ENTPD6: variants seen among roughly 807,000 people sequenced by gnomAD.
ENTPD6 encodes the protein CD39 antigen-like 2.
In ENTPD6, 46 loss-of-function variants were observed where a neutral mutation model predicts 61.5. The observed-to-expected ratio is 0.75, with a 90% CI of 0.59 to 0.96. ENTPD6 has a LOEUF of 0.96. Among genes scored for constraint, ENTPD6 ranks in the 40% least tolerant of loss-of-function variants. The pLI is 0.00. For synonymous variants in ENTPD6, 252 were observed against 255.5 expected, an observed-to-expected ratio of 0.99 and a Z score of 0.13; for missense variants, 612 against 629.0, an observed-to-expected ratio of 0.97 and a Z score of 0.29.
intron 14 of ENTPD6, 78 bp downstream of exon 14, chr20:25,225,395 C>T: frequency 1.3e-6 from 2 of 1,581,276 alleles, no homozygotes; most frequent in Non-Finnish European, 1.7e-6. Context: ...TTGCTGGGGT[C>T]ATGTCCCCCA....
intron 2 of ENTPD6, 52 bp downstream of exon 2, chr20:25,206,642 G>A (rs763408728): frequency 1.5e-5 from 20 of 1,335,416 alleles, no homozygotes; most frequent in East Asian, 4.6e-5. Context: ...TAAACCTTTC[G>A]AAAAGTAAAT....
chr20:25,201,277 T>G (rs2091010814), intron 1 of ENTPD6, among the ~76,000 whole-genome samples: 1 of 152,214 alleles, frequency 6.6e-6, no homozygotes, highest in Non-Finnish European at 1.5e-5. Context: ...TGCTCTGTAG[T>G]GTCGTTTGAG....
At chr20:25,195,916 T>C in intron 1 of ENTPD6, 49 bp downstream of exon 1, 1 of 1,216,510 alleles carries the variant, frequency 8.2e-7, no homozygotes, top group Non-Finnish European at 1.0e-6. Context: ...GATCACCGAC[T>C]GTAGGCGGGC....
At chr20:25,223,084 T>G (rs920791768) in intron 12 of ENTPD6, 106 bp downstream of exon 12, 1 of 1,308,152 alleles carries the variant, frequency 7.6e-7, no homozygotes, top group African/African-American at 1.5e-5. Context: ...CAAGCAACCC[T>G]GTTGTCACAT....
intron 12 of ENTPD6, 34 bp downstream of exon 12, chr20:25,223,012 C>T (rs1313316669): frequency 9.4e-6 from 5 of 529,618 alleles, no homozygotes; most frequent in East Asian, 1.0e-4. Flanking sequence ...GCAGGAAGGT[C>T]GGGGCGGCAG....
chr20:25,216,565 G>A (rs1387213839), intron 7 of ENTPD6, 83 bp from the exon 8 acceptor site: 2 of 949,684 alleles, frequency 2.1e-6, no homozygotes, highest in East Asian at 5.3e-5. Flanking sequence ...TTTCCCCTGA[G>A]GGCCTGGCTT....
At chr20:25,223,973 G>T in intron 12 of ENTPD6, 128 bp from the exon 13 acceptor site, 1 of 778,474 alleles carries the variant, frequency 1.3e-6, no homozygotes, top group Non-Finnish European at 2.1e-6. Flanking sequence ...TACAGCTGGA[G>T]GGCCTGCCTC....
chr20:25,222,743 G>A (rs1234446934), intron 11 of ENTPD6, 95 bp from the exon 12 acceptor site: 13 of 1,511,458 alleles, frequency 8.6e-6, no homozygotes, highest in East Asian at 2.3e-5. Context: ...TGACAATTCA[G>A]GTCAGAGTCT....
intron 7 of ENTPD6, 21 bp from the exon 8 acceptor site, chr20:25,216,627 T>A (rs1444529856): frequency 6.3e-7 from 1 of 1,575,870 alleles, no homozygotes; most frequent in African/African-American, 1.3e-5. Flanking sequence ...CCCTGTGCTG[T>A]TTTTGCTTGC....
rs1310045804 is a variant in ENTPD6 at position 25,221,302 on chromosome 20, A to T, written c.1014A>T (p.Glu338Asp). 17 of 1,614,064 alleles carry T rather than the reference A, an allele frequency of 1.1e-5. No individual in the cohort carries two copies. Among genetic ancestry groups the T allele is most frequent in the Non-Finnish European group, 1.4e-5 (16 of 1,180,036 alleles). The change falls in exon 11 of 15, where the codon GAA becomes GAT. Residue 338 changes from glutamate to aspartate, a missense_variant. Coordinates refer to ENST00000376652, the MANE Select transcript of ENTPD6 (RefSeq NM_001247.5). ...PSFKGEWEHAEVTYRVSGQKA... is the reference protein window; with the variant it reads ...PSFKGEWEHADVTYRVSGQKA... ...TCAAAGGAGAGTGGGAACACGCAGA[A>T]GTCACGTACAGGGTTTCAGGGCAGA... is the stretch of plus-strand genomic sequence containing the variant.
At chr20:25,204,439 C>T (rs1257049394) in intron 1 of ENTPD6, among the ~76,000 whole-genome samples, 4 of 151,672 alleles carry the variant, frequency 2.6e-5, no homozygotes, top group Non-Finnish European at 5.9e-5. Context: ...ATTTATTTGC[C>T]TTGTTGGCTC....
intron 1 of ENTPD6, chr20:25,196,090 C>T (rs1294695217): frequency 9.4e-7 from 1 of 1,062,026 alleles, no homozygotes; most frequent in Non-Finnish European, 1.2e-6. Flanking sequence ...GGCCACAGGG[C>T]GGGCCAAATA....
intron 1 of ENTPD6, among the ~76,000 whole-genome samples, chr20:25,204,344 A>G (rs1013843473): frequency 2.6e-5 from 4 of 152,176 alleles, no homozygotes; most frequent in Non-Finnish European, 2.9e-5. Context: ...CAGTACCCTT[A>G]ACTCTGAATT....
intron 5 of ENTPD6, among the ~76,000 whole-genome samples, chr20:25,214,514 G>A (rs554640128): frequency 7.7e-4 from 118 of 152,320 alleles, no homozygotes; most frequent in African/African-American, 2.8e-3. Context: ...AAGCCCCAGC[G>A]GGCTTAGGAC....
At chr20:25,207,661 G>T (rs1432846054) in intron 3 of ENTPD6, among the ~76,000 whole-genome samples, 3 of 152,224 alleles carry the variant, frequency 2.0e-5, no homozygotes, top group Non-Finnish European at 4.4e-5. Flanking sequence ...TCACCAGCAG[G>T]TCAGGTGGCT....
At chr20:25,205,146 A>T (rs1245389981) in intron 1 of ENTPD6, among the ~76,000 whole-genome samples, 1 of 152,228 alleles carries the variant, frequency 6.6e-6, no homozygotes, top group African/African-American at 2.4e-5. Flanking sequence ...GCAGCAGCAC[A>T]AGACAAGCTG....
intron 1 of ENTPD6, among the ~76,000 whole-genome samples, chr20:25,200,055 T>C (rs569888003): frequency 7.9e-5 from 12 of 152,196 alleles, no homozygotes; most frequent in Non-Finnish European, 1.6e-4. Context: ...TCCATGCTGT[T>C]TTCCAAGGCA....
intron 7 of ENTPD6, among the ~76,000 whole-genome samples, chr20:25,216,399 A>C (rs1307829980): frequency 6.6e-6 from 1 of 152,128 alleles, no homozygotes; most frequent in African/African-American, 2.4e-5. Context: ...CTCCCAGCTG[A>C]TACGGCAGTT....
At chr20:25,214,815 ATATT>A (rs1034487776) in intron 5 of ENTPD6, 48 bp from the exon 6 acceptor site, 14 of 1,080,188 alleles carry the variant, frequency 1.3e-5, no homozygotes, top group Non-Finnish European at 1.9e-5. Flanking sequence ...ATAAATAAAT[ATATT>A]CATTCATTCA....
Sources: allele counts gnomAD v4.1 joint callset (sites outside exome capture counted in the v4.1 genomes callset), GRCh38; gene constraint gnomAD v4.1.1; transcripts MANE v1.5; gene names NCBI Gene and HGNC (gene_info 2026-07-23, HGNC 2026-07-21).